Variants in GNG12 observed in about 807,000 individuals in gnomAD.
GNG12 encodes the protein guanine nucleotide-binding protein G(I)/G(S)/G(O) subunit gamma-12.
For missense variants in GNG12, 69 were observed against 83.8 expected (o/e 0.82, Z 0.69); for synonymous variants, 28 against 29.7 (o/e 0.94, Z 0.19).
At chr1:67,730,436 C>A (rs1305479359) in intron 2 of GNG12, among the ~76,000 whole-genome samples, 2 of 152,110 alleles carry the variant, frequency 1.3e-5, no homozygotes, top group East Asian at 3.9e-4. Flanking sequence ...CAGGAGGAGG[C>A]GGAGGTTGCA....
intron 1 of GNG12, among the ~76,000 whole-genome samples, chr1:67,778,600 C>T (rs1430056281): frequency 1.3e-5 from 2 of 152,052 alleles, no homozygotes; most frequent in Non-Finnish European, 2.9e-5. Context: ...CCCATCTTAC[C>T]CCAATTAAAC....
intron 2 of GNG12, among the ~76,000 whole-genome samples, chr1:67,711,624 G>T (rs1646296413): frequency 6.6e-6 from 1 of 152,056 alleles, no homozygotes; most frequent in Admixed American, 6.5e-5. Flanking sequence ...TCCCCTCTTG[G>T]GATCCGAGTT....
At chr1:67,757,807 AG>A (rs1188059412) in intron 2 of GNG12, among the ~76,000 whole-genome samples, 1 of 152,192 alleles carries the variant, frequency 6.6e-6, no homozygotes, top group Non-Finnish European at 1.5e-5. Flanking sequence ...AGGCTGAACT[AG>A]GGGTCCCCAA....
chr1:67,766,151 C>CA, intron 2 of GNG12, among the ~76,000 whole-genome samples: 1 of 149,628 alleles, frequency 6.7e-6, no homozygotes, highest in Non-Finnish European at 1.5e-5. Context: ...CACACACACC[C>CA]CTAAACAATG....
At chr1:67,773,071 C>T (rs2100756985) in intron 2 of GNG12, among the ~76,000 whole-genome samples, 2 of 152,288 alleles carry the variant, frequency 1.3e-5, no homozygotes, top group East Asian at 3.9e-4. Context: ...TCATATAAGT[C>T]AAGAGACTAG....
intron 1 of GNG12, among the ~76,000 whole-genome samples, chr1:67,812,072 T>C (rs530149498): frequency 2.0e-5 from 3 of 152,250 alleles, no homozygotes; most frequent in South Asian, 2.1e-4. Flanking sequence ...GAGTAATGGC[T>C]TAGGGAATGC....
At chr1:67,785,565 T>C (rs1203098723) in intron 1 of GNG12, among the ~76,000 whole-genome samples, 2 of 152,168 alleles carry the variant, frequency 1.3e-5, no homozygotes, top group Non-Finnish European at 1.5e-5. Flanking sequence ...CCTGGCATCT[T>C]TCTCTGCATG....
intron 1 of GNG12, among the ~76,000 whole-genome samples, chr1:67,798,603 T>C (rs1213507487): frequency 3.3e-5 from 5 of 151,960 alleles, no homozygotes; most frequent in South Asian, 2.1e-4. Context: ...CTCCTCAGCC[T>C]ACCCAGTGTG....
intron 2 of GNG12, among the ~76,000 whole-genome samples, chr1:67,748,223 G>A (rs772639577): frequency 6.6e-6 from 1 of 152,162 alleles, no homozygotes; most frequent in Non-Finnish European, 1.5e-5. Flanking sequence ...GGAGTTTTCT[G>A]TTTGTAATAT....
At chr1:67,814,104 C>T (rs890835188) in intron 1 of GNG12, among the ~76,000 whole-genome samples, 2 of 152,076 alleles carry the variant, frequency 1.3e-5, no homozygotes, top group African/African-American at 2.4e-5. Context: ...CTTTTTAATA[C>T]TGACAATGAA....
intron 1 of GNG12, among the ~76,000 whole-genome samples, chr1:67,790,905 T>C (rs1646798634): frequency 6.6e-6 from 1 of 152,210 alleles, no homozygotes; most frequent in Non-Finnish European, 1.5e-5. Flanking sequence ...TGAGGCACCA[T>C]GCCCAGCCCA....
chr1:67,831,892 T>TA (rs1647047723), intron 1 of GNG12, among the ~76,000 whole-genome samples: 1 of 152,232 alleles, frequency 6.6e-6, no homozygotes, highest in South Asian at 2.1e-4. Flanking sequence ...CTGGTTCTCC[T>TA]AGGTGAGGGC....
chr1:67,798,868 C>T (rs1646847328), intron 1 of GNG12, among the ~76,000 whole-genome samples: 2 of 151,978 alleles, frequency 1.3e-5, no homozygotes, highest in Admixed American at 1.3e-4. Context: ...GCAGAGGAAT[C>T]GCTTGAACCC....
chr1:67,816,916 A>T (rs148188254), intron 1 of GNG12, among the ~76,000 whole-genome samples: 88 of 152,358 alleles, frequency 5.8e-4, no homozygotes, highest in African/African-American at 1.9e-3. Context: ...CAGTGTCCCC[A>T]TCTGTAAAGT....
At chr1:67,801,805 A>C (rs1646867328) in intron 1 of GNG12, among the ~76,000 whole-genome samples, 1 of 152,202 alleles carries the variant, frequency 6.6e-6, no homozygotes, top group Non-Finnish European at 1.5e-5. Context: ...GGATGATAAT[A>C]ATCTATAATT....
At chr1:67,796,541 A>G (rs1646832267) in intron 1 of GNG12, among the ~76,000 whole-genome samples, 2 of 152,184 alleles carry the variant, frequency 1.3e-5, no homozygotes, top group South Asian at 4.1e-4. Context: ...TTCCAGTATG[A>G]CCTCAATACA....
chr1:67,783,778 A>G (rs1646751402), intron 1 of GNG12, among the ~76,000 whole-genome samples: 1 of 152,248 alleles, frequency 6.6e-6, no homozygotes, highest in East Asian at 1.9e-4. Context: ...ACCATCTCAC[A>G]CCAGTTAGAA....
At chr1:67,807,448 T>C (rs1359047946) in intron 1 of GNG12, among the ~76,000 whole-genome samples, 1 of 149,362 alleles carries the variant, frequency 6.7e-6, no homozygotes, top group African/African-American at 2.5e-5. Flanking sequence ...AATAAAAAAA[T>C]TCAAATTAAA....
At chr1:67,773,363 C>CA (rs1239374907) in intron 2 of GNG12, among the ~76,000 whole-genome samples, 1 of 152,194 alleles carries the variant, frequency 6.6e-6, no homozygotes, top group African/African-American at 2.4e-5. Flanking sequence ...CTTGATCCTG[C>CA]ACTCCTGCTC....
Sources: gnomAD v4.1 joint callset for allele counts (sites outside exome capture counted in the v4.1 genomes callset) on GRCh38, gnomAD v4.1.1 for gene constraint, MANE v1.5 for transcripts, NCBI Gene and HGNC (gene_info 2026-07-23, HGNC 2026-07-21) for gene names.